Variants in DNM3 observed in about 807,000 individuals in gnomAD.
DNM3 encodes the protein dynamin 3.
In DNM3, 47 loss-of-function variants were observed where a neutral mutation model predicts 101.6. The observed-to-expected ratio is 0.46, with a 90% CI of 0.37 to 0.59. The LOEUF is 0.59. DNM3 is among the 20% of genes least tolerant of loss of function. The pLI, the probability that DNM3 is intolerant of heterozygous loss-of-function variation, is 0.00. For synonymous variants in DNM3, 385 were observed against 387.9 expected, an observed-to-expected ratio of 0.99 and a Z score of 0.09; for missense variants, 849 against 1,085.7, an observed-to-expected ratio of 0.78 and a Z score of 3.06.
intron 2 of DNM3, among the ~76,000 whole-genome samples, chr1:171,948,161 G>A (rs1199301312): frequency 6.6e-6 from 1 of 152,112 alleles, no homozygotes; most frequent in African/African-American, 2.4e-5. Flanking sequence ...AATTACATCT[G>A]TTTGACAGCT....
chr1:172,246,218 G>A (rs749420636), intron 14 of DNM3, among the ~76,000 whole-genome samples: 2 of 152,154 alleles, frequency 1.3e-5, no homozygotes, highest in Non-Finnish European at 2.9e-5. Context: ...TGCATGGGGA[G>A]ACAGAGCCAA....
rs115332854 is a variant in DNM3, at chr1:172,237,531, C to G, written c.1660-16042C>G. On this transcript the variant is annotated intron_variant, in intron 14 of 20. Coordinates refer to ENST00000627582, the MANE Select transcript of DNM3 (RefSeq NM_015569.5). ...TGTACCTATTTTGAATACTTCAACC[C>G]TTTCGAGAGAATTCCAAATACACTT... Among the ~76,000 whole-genome samples, 1,487 of 152,252 alleles carry G rather than the reference C, an allele frequency of 9.8e-3. 30 individuals are homozygous for G. Among genetic ancestry groups the G allele is most frequent in the African/African-American group, 0.034 (1,395 of 41,556 alleles).
intron 19 of DNM3, among the ~76,000 whole-genome samples, chr1:172,388,045 C>T (rs1424093888): frequency 6.6e-6 from 1 of 152,012 alleles, no homozygotes; most frequent in Non-Finnish European, 1.5e-5. Flanking sequence ...ACCAGGCTGG[C>T]CAACATAGTG....
chr1:172,350,837 T>A lies in DNM3; in HGVS notation c.1893+27497T>A, dbSNP rs144465850. On this transcript the variant is annotated intron_variant, in intron 17 of 20. Coordinates refer to ENST00000627582, the MANE Select transcript of DNM3 (RefSeq NM_015569.5). ...ATGCAGGATAAGGAATATCATTCTATCATTCCCAACTGAAACAACATCAGA... is the reference window on the plus strand; with the variant it reads ...ATGCAGGATAAGGAATATCATTCTAACATTCCCAACTGAAACAACATCAGA... 2.0e-3 allele frequency among the ~76,000 whole-genome samples: 308 copies of A among 152,320 alleles called. 2 individuals carry two copies. The highest frequency in any genetic ancestry group is 7.0e-3 in the African/African-American group (291 of 41,580).
At chr1:172,087,132 C>A (rs991938709) in intron 12 of DNM3, among the ~76,000 whole-genome samples, 1 of 152,120 alleles carries the variant, frequency 6.6e-6, no homozygotes, top group African/African-American at 2.4e-5. Flanking sequence ...CAATTCTGAG[C>A]CTTTCATTTG....
chr1:172,092,932 C>A, intron 13 of DNM3, 57 bp downstream of exon 13: 2 of 1,436,646 alleles, frequency 1.4e-6, no homozygotes, highest in South Asian at 1.3e-5. Flanking sequence ...TGAACTAAAT[C>A]GCTTGATTGA....
chr1:171,928,338 TC>T (rs1256548152), intron 2 of DNM3, among the ~76,000 whole-genome samples: 3 of 152,166 alleles, frequency 2.0e-5, no homozygotes, highest in African/African-American at 7.2e-5. Flanking sequence ...TCTGGTGTGA[TC>T]TCAGTACTTG....
chr1:172,063,775 CAAAAAAAAAA>C (rs11317272), intron 10 of DNM3, among the ~76,000 whole-genome samples: 11 of 87,774 alleles, frequency 1.3e-4, no homozygotes, highest in Non-Finnish European at 7.3e-5. Flanking sequence ...GAGACTTTGT[CAAAAAAAAAA>C]AAAAAAAAAA....
Position 171,888,464 on chromosome 1 carries a change from T to G in DNM3, c.162-33284T>G, listed in dbSNP as rs1234400388. On this transcript the variant is annotated intron_variant, in intron 1 of 20. Transcript: ENST00000627582. The stretch of plus-strand genomic sequence containing the variant: ...TCCTAATGTCAACTGGGAGTGTAAT[T>G]CTGCAGTATAGAGGAAAGGATGCAG... Among the ~76,000 whole-genome samples, 4 of 152,202 alleles carry G rather than the reference T, an allele frequency of 2.6e-5. 1 individual carries two copies. The highest frequency in any genetic ancestry group is 2.6e-4 in the Admixed American group (4 of 15,284).
intron 14 of DNM3, among the ~76,000 whole-genome samples, chr1:172,203,889 A>G (rs1456518165): frequency 6.6e-6 from 1 of 152,198 alleles, no homozygotes; most frequent in Non-Finnish European, 1.5e-5. Context: ...AGGCTACTTA[A>G]CCAGCTTGAT....
At chr1:172,364,948 C>A (rs2067931087) in intron 17 of DNM3, among the ~76,000 whole-genome samples, 1 of 151,880 alleles carries the variant, frequency 6.6e-6, no homozygotes, top group African/African-American at 2.4e-5. Flanking sequence ...TAGTATCATG[C>A]TTTCTGTACA....
rs369579357 is a variant in DNM3, at chr1:171,957,307, C to T, written c.236-30349C>T. Among the ~76,000 whole-genome samples, 267 of 151,416 alleles carry T rather than the reference C, an allele frequency of 1.8e-3. 3 individuals carry two copies. Among genetic ancestry groups the T allele is most frequent in the African/African-American group, 5.8e-3 (240 of 41,286 alleles). On this transcript the variant is annotated intron_variant, in intron 2 of 20. Coordinates refer to ENST00000627582, the MANE Select transcript of DNM3 (RefSeq NM_015569.5). The stretch of plus-strand genomic sequence containing the variant: ...CCACCTCCCAGGTTCACACCATTCT[C>T]CTGCTTCAGCCTCCTGAGTAGCTGG...
intron 12 of DNM3, among the ~76,000 whole-genome samples, chr1:172,089,993 T>C (rs891597058): frequency 5.9e-5 from 9 of 152,178 alleles, no homozygotes; most frequent in Non-Finnish European, 1.3e-4. Context: ...TTGATCAAAC[T>C]TTTCACCTAA....
chr1:172,336,186 T>C (rs1256226839), intron 17 of DNM3, among the ~76,000 whole-genome samples: 1 of 152,154 alleles, frequency 6.6e-6, no homozygotes, highest in Non-Finnish European at 1.5e-5. Context: ...TCAGTAGTAC[T>C]GCTGTTGAGA....
At chr1:172,349,153 A>C (rs77491393) in intron 17 of DNM3, among the ~76,000 whole-genome samples, 11,584 of 152,134 alleles carry the variant, frequency 0.076, 503 homozygotes, top group South Asian at 0.14. Context: ...ACAGATTCCT[A>C]CACCACATTT....
chr1:172,277,521 T>G (rs565793013), intron 15 of DNM3, among the ~76,000 whole-genome samples: 4 of 152,186 alleles, frequency 2.6e-5, no homozygotes, highest in Admixed American at 6.6e-5. Flanking sequence ...CTATGCAATG[T>G]GTTGATGTGG....
At chr1:171,887,780 C>A (rs2036909484) in intron 1 of DNM3, among the ~76,000 whole-genome samples, 1 of 151,992 alleles carries the variant, frequency 6.6e-6, no homozygotes, top group South Asian at 2.1e-4. Flanking sequence ...TTGAGAAAAT[C>A]TGGGGATTTA....
intron 15 of DNM3, among the ~76,000 whole-genome samples, chr1:172,281,357 A>G (rs910479125): frequency 6.6e-6 from 1 of 152,142 alleles, no homozygotes; most frequent in Non-Finnish European, 1.5e-5. Context: ...TTCTTTCTCC[A>G]TGGTTCACAA....
chr1:172,344,512 A>G (rs2066843111), intron 17 of DNM3, among the ~76,000 whole-genome samples: 1 of 152,206 alleles, frequency 6.6e-6, no homozygotes, highest in South Asian at 2.1e-4. Context: ...GCAATCTTCT[A>G]TTCTGAAGGA....
Sources: gnomAD v4.1 joint callset for allele counts (sites outside exome capture counted in the v4.1 genomes callset) on GRCh38, gnomAD v4.1.1 for gene constraint, MANE v1.5 for transcripts, NCBI Gene and HGNC (gene_info 2026-07-23, HGNC 2026-07-21) for gene names.